Variants in DPP10 observed in about 807,000 individuals in gnomAD.
DPP10 encodes dipeptidyl peptidase like 10, also known as inactive dipeptidyl peptidase 10.
In DPP10, 33 loss-of-function variants were observed where a neutral mutation model predicts 120.9. The ratio of observed to expected loss-of-function variants is 0.27; its 90% CI spans 0.21 to 0.37. The LOEUF (loss-of-function observed/expected upper bound fraction) is 0.37. Among genes scored for constraint, DPP10 ranks in the 10% least tolerant of loss-of-function variants. The probability of loss-of-function intolerance (pLI) is 1.00; values close to 1 mark genes in which losing one functional copy is unlikely to be tolerated. For synonymous variants in DPP10, 337 were observed against 326.1 expected (o/e 1.03, Z -0.36); for missense variants, 816 against 942.8 (o/e 0.87, Z 1.76).
chr2:115,619,695 C>A (rs768260549), intron 5 of DPP10, among the ~76,000 whole-genome samples: 4 of 152,158 alleles, frequency 2.6e-5, no homozygotes, highest in Non-Finnish European at 5.9e-5. Context: ...CATAGAACTG[C>A]CCTTCTCAGT....
At chr2:114,850,690 T>C (rs1688883703) in intron 1 of DPP10, among the ~76,000 whole-genome samples, 1 of 152,104 alleles carries the variant, frequency 6.6e-6, no homozygotes, top group South Asian at 2.1e-4. Flanking sequence ...GACTTGAGAA[T>C]GGGGAGTCCA....
intron 1 of DPP10, among the ~76,000 whole-genome samples, chr2:114,955,736 A>G (rs939342552): frequency 1.2e-4 from 18 of 152,216 alleles, no homozygotes; most frequent in Non-Finnish European, 1.5e-5. Flanking sequence ...CATTGAAGCA[A>G]TTATTCACCA....
intron 21 of DPP10, among the ~76,000 whole-genome samples, chr2:115,823,012 T>C (rs1037081753): frequency 7.2e-5 from 11 of 152,044 alleles, no homozygotes; most frequent in African/African-American, 2.4e-4. Context: ...CTGATGTGTA[T>C]TTTTAAAAAT....
Position 114,994,358 on chromosome 2 carries a change from T to G in DPP10, c.61-314881T>G, listed in dbSNP as rs548537240. On this transcript the variant is annotated intron_variant, in intron 1 of 25. Coordinates refer to ENST00000410059, the MANE Select transcript of DPP10 (RefSeq NM_020868.6). ...ATCAGATACATAGATGATAGGTAGGTAGATAGATAAATTTTATTTAAAATG... is the reference window on the plus strand; with the variant it reads ...ATCAGATACATAGATGATAGGTAGGGAGATAGATAAATTTTATTTAAAATG... 9.7e-4 allele frequency among the ~76,000 whole-genome samples: 148 copies of G among 152,268 alleles called. 1 individual carries two copies. In the Middle Eastern group the frequency reaches 0.02, roughly 21 times the overall value.
chr2:114,669,616 G>C (rs1443413731), intron 1 of DPP10, among the ~76,000 whole-genome samples: 3 of 151,952 alleles, frequency 2.0e-5, no homozygotes, highest in Non-Finnish European at 2.9e-5. Flanking sequence ...TCTTTTTGCT[G>C]CTTACTACTT....
chr2:115,669,918 A>G (rs1191540639), intron 5 of DPP10, among the ~76,000 whole-genome samples: 1 of 152,160 alleles, frequency 6.6e-6, no homozygotes, highest in African/African-American at 2.4e-5. Context: ...GAATTAACTG[A>G]TGCCAGTTGT....
intron 3 of DPP10, among the ~76,000 whole-genome samples, chr2:115,453,153 C>A (rs2073249687): frequency 1.3e-5 from 2 of 151,324 alleles, no homozygotes; most frequent in African/African-American, 4.8e-5. Flanking sequence ...TTTTCAATTA[C>A]TCCTCACTTA....
intron 7 of DPP10, among the ~76,000 whole-genome samples, chr2:115,695,524 C>T (rs938080672): frequency 6.6e-6 from 1 of 151,946 alleles, no homozygotes; most frequent in African/African-American, 2.4e-5. Context: ...AAGAGAACTC[C>T]CCTTTATAAA....
At chr2:114,862,233 C>G (rs1440197071) in intron 1 of DPP10, among the ~76,000 whole-genome samples, 1 of 151,274 alleles carries the variant, frequency 6.6e-6, no homozygotes, top group Non-Finnish European at 1.5e-5. Context: ...TCTGCAGATA[C>G]AGTTCCATCT....
At position 115,831,578 on chromosome 2, in the gene DPP10, C is replaced by T. The variant is rs1443107564; in HGVS notation, c.1951-4579C>T. 2.6e-5 allele frequency among the ~76,000 whole-genome samples: 4 copies of T among 152,174 alleles called. No homozygotes were observed. The East Asian group carries it at 7.7e-4, about 29-fold the overall frequency. On this transcript the variant is annotated intron_variant, in intron 21 of 25. Coordinates refer to ENST00000410059, the MANE Select transcript of DPP10 (RefSeq NM_020868.6). ...AAAATCCCAGTCTGTCAGTGTATCC[C>T]TTTTACTATATTCATAAAGTCATTT...
intron 1 of DPP10, among the ~76,000 whole-genome samples, chr2:114,646,072 A>C (rs1021583577): frequency 1.4e-4 from 21 of 151,978 alleles, no homozygotes; most frequent in African/African-American, 5.1e-4. Context: ...AGGCAGGAGA[A>C]TTGCTTGAAC....
intron 3 of DPP10, among the ~76,000 whole-genome samples, chr2:115,407,694 C>CT (rs897563600): frequency 5.9e-5 from 9 of 151,942 alleles, no homozygotes; most frequent in African/African-American, 1.9e-4. Context: ...ATACTTTTAC[C>CT]TTTTTGCCAG....
chr2:115,373,692 T>G (rs1001212005), intron 3 of DPP10, among the ~76,000 whole-genome samples: 1 of 152,038 alleles, frequency 6.6e-6, no homozygotes, highest in Non-Finnish European at 1.5e-5. Context: ...TTTTGCAATT[T>G]ACTAGTTGTA....
chr2:115,258,168 A>T (rs1281914335), intron 1 of DPP10, among the ~76,000 whole-genome samples: 1 of 152,216 alleles, frequency 6.6e-6, no homozygotes, highest in African/African-American at 2.4e-5. Context: ...GTACACTGAA[A>T]TAGATTTTGT....
Position 115,586,656 on chromosome 2 carries a change from T to C in DPP10, c.441+60684T>C, listed in dbSNP as rs569564231. On this transcript the variant is annotated intron_variant, in intron 5 of 25. Coordinates refer to ENST00000410059, the MANE Select transcript of DPP10 (RefSeq NM_020868.6). ...TTTTCTTCTGGGAATAAAATACTTC[T>C]CAGTGTGATGCTTTTTGTTTTGTTT... 5.3e-5 allele frequency among the ~76,000 whole-genome samples: 8 copies of C among 152,316 alleles called. No individual in the cohort carries two copies. In the East Asian group the frequency reaches 1.5e-3, roughly 29 times the overall value.
chr2:115,045,602 T>C (rs1389851851), intron 1 of DPP10, among the ~76,000 whole-genome samples: 1 of 152,190 alleles, frequency 6.6e-6, no homozygotes, highest in Admixed American at 6.5e-5. Context: ...GCACTCACCC[T>C]CTCTCAAGTG....
At chr2:114,499,853 T>C (rs1683007149) in intron 1 of DPP10, among the ~76,000 whole-genome samples, 1 of 152,252 alleles carries the variant, frequency 6.6e-6, no homozygotes, top group Admixed American at 6.5e-5. Context: ...TTTCCTTAAA[T>C]GAGGCCCAAC....
In DPP10 at chr2:115,068,510, A is replaced by G. The variant is rs543948704; in HGVS notation, c.61-240729A>G. On this transcript the variant is annotated intron_variant, in intron 1 of 25. Transcript: ENST00000410059. ...ATATGGCTTGCAAACAATTTCTCCCATGTAGGTTGCCTCTTCATTATGCTA... is the reference window on the plus strand; with the variant it reads ...ATATGGCTTGCAAACAATTTCTCCCGTGTAGGTTGCCTCTTCATTATGCTA... 5.3e-5 allele frequency among the ~76,000 whole-genome samples: 8 copies of G among 152,224 alleles called. No homozygotes were observed. The East Asian group carries it at 1.5e-3, about 29-fold the overall frequency.
intron 4 of DPP10, among the ~76,000 whole-genome samples, chr2:115,510,130 T>G (rs1299221793): frequency 6.6e-6 from 1 of 152,168 alleles, no homozygotes; most frequent in Admixed American, 6.6e-5. Context: ...TTTCAAATGT[T>G]TTCTCCCAGG....
Sources: gnomAD v4.1 joint callset for allele counts (sites outside exome capture counted in the v4.1 genomes callset) on GRCh38, gnomAD v4.1.1 for gene constraint, MANE v1.5 for transcripts, NCBI Gene and HGNC (gene_info 2026-07-23, HGNC 2026-07-21) for gene names.